The following DRC9 variants were observed in gnomAD, a reference collection of about 807,000 sequenced individuals.
DRC9 encodes the protein dynein regulatory complex subunit 9.
the DRC9 span, chr3:197,894,682 G>A: frequency 6.6e-6 from 1 of 152,140 alleles, no homozygotes; most frequent in African/African-American, 2.4e-5. Context: ...TTTCAGACTC[G>A]GGGACGATGC....
At chr3:197,918,383 C>T in the DRC9 span, among the ~76,000 whole-genome samples, 2 of 150,048 alleles carry the variant, frequency 1.3e-5, no homozygotes, top group Non-Finnish European at 2.9e-5. Context: ...GGATTACAGG[C>T]ATGAGCCACT....
chr3:197,910,758 T>C, the DRC9 span, among the ~76,000 whole-genome samples: 1 of 152,128 alleles, frequency 6.6e-6, no homozygotes, highest in African/African-American at 2.4e-5. Flanking sequence ...GGCAGGTGGA[T>C]TACCTGAGGT....
the DRC9 span, chr3:197,954,394 C>A: frequency 1.8e-6 from 1 of 543,828 alleles, no homozygotes; most frequent in South Asian, 2.0e-5. Context: ...GGTGCAGTGG[C>A]ATAATCACAG....
chr3:197,929,294 T>C, the DRC9 span, among the ~76,000 whole-genome samples: 1 of 152,192 alleles, frequency 6.6e-6, no homozygotes, highest in African/African-American at 2.4e-5. The surrounding 1 kb of genome is among the most constrained non-coding windows in gnomAD (Gnocchi z 4.6). Context: ...CAAAGATTGG[T>C]AGATTCTTCG....
At chr3:197,935,216 G>C in the DRC9 span, among the ~76,000 whole-genome samples, 20 of 151,976 alleles carry the variant, frequency 1.3e-4, no homozygotes, top group African/African-American at 4.8e-4. Context: ...TGAGGCGGGC[G>C]GATCACCTGA....
chr3:197,950,384 G>A, the DRC9 span: 23 of 1,191,006 alleles, frequency 1.9e-5, no homozygotes, highest in East Asian at 4.0e-4. Flanking sequence ...TTGGGCTGAT[G>A]GTGTTTGGTC....
chr3:197,908,979 G>A, the DRC9 span, among the ~76,000 whole-genome samples: 5 of 152,196 alleles, frequency 3.3e-5, no homozygotes, highest in Admixed American at 2.0e-4. Flanking sequence ...GTTATCACAG[G>A]ATCTTCAGGC....
At chr3:197,900,580 C>T in the DRC9 span, among the ~76,000 whole-genome samples, 1 of 135,582 alleles carries the variant, frequency 7.4e-6, no homozygotes, top group Admixed American at 7.2e-5. The surrounding 1 kb of genome is among the most constrained non-coding windows in gnomAD (Gnocchi z 4.7). Context: ...GCAGAGGATA[C>T]CAGCTCAGCC....
chr3:197,929,848 A>G, the DRC9 span, among the ~76,000 whole-genome samples: 60,527 of 152,006 alleles, frequency 0.4, 16,729 homozygotes, highest in African/African-American at 0.8. This position sits in a 1 kb window ranked among gnomAD's most constrained non-coding sequence, Gnocchi z 4.6. Context: ...GCTCATGCCT[A>G]TAACCCCAGC....
At chr3:197,936,196 T>C in the DRC9 span, among the ~76,000 whole-genome samples, 1 of 152,122 alleles carries the variant, frequency 6.6e-6, no homozygotes, top group African/African-American at 2.4e-5. Context: ...TTAGATTTGT[T>C]GTAATTTTGT....
the DRC9 span, among the ~76,000 whole-genome samples, chr3:197,935,354 C>T: frequency 2.6e-5 from 4 of 151,492 alleles, no homozygotes; most frequent in Admixed American, 6.6e-5. Context: ...GCAAGAGAAT[C>T]GCTTGAACCC....
the DRC9 span, among the ~76,000 whole-genome samples, chr3:197,939,383 A>G: frequency 6.6e-6 from 1 of 152,218 alleles, no homozygotes; most frequent in African/African-American, 2.4e-5. Context: ...CATGGAGGGA[A>G]AAGCCAAAAT....
At chr3:197,938,687 C>G in the DRC9 span, 3 of 1,614,092 alleles carry the variant, frequency 1.9e-6, no homozygotes, top group Non-Finnish European at 2.5e-6. Flanking sequence ...TTGGGTCCTT[C>G]CTCAGTTATT....
At chr3:197,955,999 T>G in the DRC9 span, 1 of 533,210 alleles carries the variant, frequency 1.9e-6, no homozygotes. Context: ...GACAGAGTCT[T>G]GCTCTGTTGC....
At chr3:197,931,838 G>T in the DRC9 span, among the ~76,000 whole-genome samples, 243 of 151,992 alleles carry the variant, frequency 1.6e-3, 2 homozygotes, top group Middle Eastern at 6.8e-3. Context: ...TGTTAGCCAG[G>T]ATGGTCTTGA....
At chr3:197,953,696 C>T in the DRC9 span, 12 of 448,344 alleles carry the variant, frequency 2.7e-5, no homozygotes, top group Non-Finnish European at 5.0e-5. Flanking sequence ...AATATCCTCA[C>T]ACTTGTCCTT....
At chr3:197,946,333 G>T in the DRC9 span, among the ~76,000 whole-genome samples, 1 of 149,276 alleles carries the variant, frequency 6.7e-6, no homozygotes, top group African/African-American at 2.5e-5. Context: ...TACTCGGGAG[G>T]CTGAGGCAGG....
chr3:197,933,481 T>C, the DRC9 span, among the ~76,000 whole-genome samples: 1 of 152,066 alleles, frequency 6.6e-6, no homozygotes, highest in African/African-American at 2.4e-5. Context: ...AAAGTTTGAT[T>C]AGGTCTTTAA....
the DRC9 span, chr3:197,912,634 C>T: frequency 1.4e-5 from 20 of 1,381,108 alleles, no homozygotes; most frequent in Admixed American, 3.3e-4. Flanking sequence ...AAGCAGAGTA[C>T]AAAAAAAAAG....
Sources: allele counts gnomAD v4.1 joint callset (sites outside exome capture counted in the v4.1 genomes callset), GRCh38; gene constraint gnomAD v4.1.1; non-coding constraint Gnocchi (gnomAD v3.1); transcripts MANE v1.5; gene names NCBI Gene and HGNC (gene_info 2026-07-23, HGNC 2026-07-21).